The following SGPP1 variants were observed in gnomAD, a reference collection of about 807,000 sequenced individuals.
SGPP1 encodes hSPP1.
A neutral mutation model predicts 33.0 loss-of-function variants in SGPP1; 21 were observed. The ratio of observed to expected loss-of-function variants is 0.64; its 90% CI spans 0.45 to 0.92. The LOEUF is 0.92. SGPP1 is among the 40% of genes least tolerant of loss of function. SGPP1 has a pLI of 0.00. For synonymous variants in SGPP1, 239 were observed against 241.2 expected, an observed-to-expected ratio of 0.99 and a Z score of 0.08; for missense variants, 543 against 589.4, an observed-to-expected ratio of 0.92 and a Z score of 0.81.
At chr14:63,704,618 G>A (rs901101689) in intron 1 of SGPP1, among the ~76,000 whole-genome samples, 2 of 152,144 alleles carry the variant, frequency 1.3e-5, no homozygotes, top group Admixed American at 1.3e-4. Flanking sequence ...GGGAGGCCAA[G>A]GCAGAAGGAT....
intron 1 of SGPP1, among the ~76,000 whole-genome samples, chr14:63,706,267 A>AG (rs572350843): frequency 3.0e-4 from 46 of 152,354 alleles, no homozygotes; most frequent in African/African-American, 1.1e-3. Context: ...GCCAGAAGTC[A>AG]GGGGGAGAGA....
chr14:63,716,534 A>T (rs954871070), intron 1 of SGPP1, among the ~76,000 whole-genome samples: 13 of 152,022 alleles, frequency 8.6e-5, no homozygotes, highest in African/African-American at 3.1e-4. Context: ...AAATTAAAAA[A>T]TTTAAAAAAT....
rs2139621417 is a variant in SGPP1, at chr14:63,685,591, T to G, written c.*514A>C. The G allele has an allele frequency of 6.6e-6, 1 of 152,514 alleles. No individual in the cohort carries two copies. Among genetic ancestry groups the G allele is most frequent in the African/African-American group, 2.4e-5 (1 of 41,554 alleles). 9.4% of individuals were successfully genotyped at this position (152,514 alleles called of 1,614,324 possible). A position where few individuals can be genotyped will look rare whatever the true frequency, so the allele number is the denominator to read the frequency against. On this transcript the variant is annotated 3_prime_UTR_variant, in exon 3 of 3. Coordinates refer to ENST00000247225, the MANE Select transcript of SGPP1 (RefSeq NM_030791.4). ...AATCAATGTATAGTAGCATATGCAT[T>G]CTGGTCTAGTAATTACGCAATTCAA...
chr14:63,697,116 T>G (rs1372199329), intron 2 of SGPP1, among the ~76,000 whole-genome samples: 1 of 152,120 alleles, frequency 6.6e-6, no homozygotes, highest in Non-Finnish European at 1.5e-5. Flanking sequence ...GACGTCCAAA[T>G]CTTGGCATCA....
chr14:63,698,984 T>A (rs896355207), intron 1 of SGPP1, among the ~76,000 whole-genome samples: 19 of 152,230 alleles, frequency 1.2e-4, no homozygotes, highest in African/African-American at 4.6e-4. Flanking sequence ...ATACTTTTAA[T>A]ATGGCCACCA....
At position 63,699,633 on chromosome 14, in the gene SGPP1, C is replaced by T. The variant is rs142296064; in HGVS notation, c.685-975G>A. On this transcript the variant is annotated intron_variant, in intron 1 of 2. Transcript: ENST00000247225. ...CAGGCTGAAGTACTGAGGCTATTCC[C>T]AGGTGTGATAATAGCATACTAACAC... 5.3e-5 allele frequency among the ~76,000 whole-genome samples: 8 copies of T among 152,118 alleles called. 1 individual carries two copies. The highest frequency in any genetic ancestry group is 1.9e-4 in the African/African-American group (8 of 41,502).
At chr14:63,707,709 G>A (rs1437772946) in intron 1 of SGPP1, among the ~76,000 whole-genome samples, 1 of 152,012 alleles carries the variant, frequency 6.6e-6, no homozygotes, top group African/African-American at 2.4e-5. Flanking sequence ...GCCTCCCAAA[G>A]TGCTGGGATT....
chr14:63,696,911 G>A (rs1165794181), intron 2 of SGPP1, among the ~76,000 whole-genome samples: 1 of 152,144 alleles, frequency 6.6e-6, no homozygotes, highest in Non-Finnish European at 1.5e-5. Flanking sequence ...GCTTGAACCT[G>A]GGAGGCAGAA....
chr14:63,721,980 A>G (rs1030814345), intron 1 of SGPP1, among the ~76,000 whole-genome samples: 7 of 152,202 alleles, frequency 4.6e-5, no homozygotes, highest in Non-Finnish European at 8.8e-5. Context: ...ATATTACTGC[A>G]AGCATACCTT....
Position 63,727,668 on chromosome 14 carries a change from G to T in SGPP1, c.277C>A (p.Leu93Met). The T allele has an allele frequency of 7.5e-7, 1 of 1,338,758 alleles. No individual in the cohort carries two copies. Among genetic ancestry groups the T allele is most frequent in the Non-Finnish European group, 9.5e-7 (1 of 1,052,672 alleles). 82.9% of individuals were successfully genotyped at this position (1,338,758 alleles called of 1,614,324 possible). ...GAGGCCGGGCCCAGCTCGGCCGCCA[G>T]CCCGTTCCGCACGCCGTTGGGGGCG... ...GGAPNGVRNG[L>M]AAELGPASPR... Residue 93 changes from leucine to methionine, a missense_variant, in exon 1 of 3, where the codon CTG becomes ATG. Transcript: ENST00000247225.
At chr14:63,709,405 CCT>C (rs1486157583) in intron 1 of SGPP1, among the ~76,000 whole-genome samples, 1 of 151,732 alleles carries the variant, frequency 6.6e-6, no homozygotes, top group Admixed American at 6.6e-5. Context: ...TAATTCTATC[CCT>C]CTCTCTTTAC....
Position 63,727,278 on chromosome 14 carries a change from T to C in SGPP1, c.667A>G (p.Thr223Ala). The C allele has an allele frequency of 1.2e-6, 2 of 1,611,428 alleles. No homozygotes were observed. Among genetic ancestry groups the C allele is most frequent in the Non-Finnish European group, 8.5e-7 (1 of 1,178,416 alleles). The stretch of plus-strand genomic sequence containing the variant: ...AACCCTACCTGCCAGCGGCCATAGG[T>C]GAGGAGGACCATAGAAATGGGGATG... ...TAIPISMVLL[T>A]YGRWQYPLIY... Residue 223 changes from threonine to alanine, a missense_variant, in exon 1 of 3, where the codon ACC becomes GCC. Thr to Ala is a moderately conservative substitution (Grantham distance 58). Transcript: ENST00000247225.
chr14:63,708,246 C>A (rs1885453897), intron 1 of SGPP1, among the ~76,000 whole-genome samples: 2 of 144,266 alleles, frequency 1.4e-5, no homozygotes, highest in African/African-American at 5.2e-5. Flanking sequence ...GCTATAGCAG[C>A]AATCCTTTTT....
intron 1 of SGPP1, among the ~76,000 whole-genome samples, chr14:63,701,668 C>T (rs1418936588): frequency 2.0e-5 from 3 of 151,968 alleles, no homozygotes; most frequent in Non-Finnish European, 4.4e-5. Flanking sequence ...TCAAGTAGAG[C>T]CTGGGAGGCC....
At chr14:63,694,056 G>C (rs1283757883) in intron 2 of SGPP1, among the ~76,000 whole-genome samples, 6 of 152,178 alleles carry the variant, frequency 3.9e-5, no homozygotes, top group Non-Finnish European at 5.9e-5. Context: ...AGGGCGAGTG[G>C]ATCGCTTGAG....
chr14:63,703,832 G>A (rs1232256377), intron 1 of SGPP1, among the ~76,000 whole-genome samples: 1 of 139,852 alleles, frequency 7.2e-6, no homozygotes, highest in Non-Finnish European at 1.5e-5. Flanking sequence ...TTGGCGGCAG[G>A]TGGGGAGTGG....
At chr14:63,709,680 T>G (rs1885484036) in intron 1 of SGPP1, among the ~76,000 whole-genome samples, 1 of 152,054 alleles carries the variant, frequency 6.6e-6, no homozygotes, top group African/African-American at 2.4e-5. Context: ...TCTTATAGAG[T>G]AGAAAGTAAA....
rs532966094 is a variant in SGPP1, at chr14:63,698,346, A to C, written c.774+223T>G. Among the ~76,000 whole-genome samples the C allele has an allele frequency of 7.8e-4, 119 of 152,208 alleles. 1 individual carries two copies. Among genetic ancestry groups the C allele is most frequent in the Admixed American group, 1.4e-3 (22 of 15,274 alleles). ...AGGAAGAAATGTTATCTTGATTATA[A>C]TACCTGGCTATTGTGATTGCTGGAA... On this transcript the variant is annotated intron_variant, in intron 2 of 2. Transcript: ENST00000247225.
intron 1 of SGPP1, among the ~76,000 whole-genome samples, chr14:63,719,761 T>C (rs1274337965): frequency 6.6e-6 from 1 of 151,544 alleles, no homozygotes; most frequent in African/African-American, 2.4e-5. Context: ...AATTAATTTA[T>C]GTAAGGCATT....
Sources: gnomAD v4.1 joint callset for allele counts (sites outside exome capture counted in the v4.1 genomes callset) on GRCh38, gnomAD v4.1.1 for gene constraint, MANE v1.5 for transcripts, NCBI Gene and HGNC (gene_info 2026-07-23, HGNC 2026-07-21) for gene names.